RIPOR2: variants seen among roughly 807,000 people sequenced by gnomAD.
The protein encoded by RIPOR2 is rho family-interacting cell polarization regulator 2.
In RIPOR2, 39 loss-of-function variants were observed where a neutral mutation model predicts 114.5. That is an observed-to-expected ratio of 0.34 (90% CI 0.26 to 0.44). RIPOR2 has a LOEUF of 0.44. Ranked by LOEUF, RIPOR2 falls within the 20% of genes least tolerant of loss-of-function variation. RIPOR2 has a pLI of 1.00. For missense variants in RIPOR2, 1,007 were observed against 1,255.1 expected, an observed-to-expected ratio of 0.80 and a Z score of 2.99; for synonymous variants, 445 against 484.4, an observed-to-expected ratio of 0.92 and a Z score of 1.07.
chr6:24,822,148 AGAGAG>A (rs1266674851), intron 19 of RIPOR2, among the ~76,000 whole-genome samples: 1 of 152,220 alleles, frequency 6.6e-6, no homozygotes, highest in Non-Finnish European at 1.5e-5. Context: ...AGGGGAAAAT[AGAGAG>A]GAGTCTTGTG....
intron 1 of RIPOR2, among the ~76,000 whole-genome samples, chr6:24,892,269 T>C (rs1767439525): frequency 6.6e-6 from 1 of 152,118 alleles, no homozygotes; most frequent in African/African-American, 2.4e-5. Context: ...ACCCGATAGA[T>C]TTTTTTCTTT....
intron 19 of RIPOR2, among the ~76,000 whole-genome samples, chr6:24,824,156 G>A (rs561789932): frequency 9.2e-5 from 14 of 152,268 alleles, no homozygotes; most frequent in African/African-American, 3.1e-4. Flanking sequence ...ACTCAGATGC[G>A]TATATATCCT....
chr6:24,960,793 G>A (rs1207070187), intron 1 of RIPOR2, among the ~76,000 whole-genome samples: 1 of 152,116 alleles, frequency 6.6e-6, no homozygotes, highest in African/African-American at 2.4e-5. Flanking sequence ...GCCTCCCAAA[G>A]TGCTAGATTT....
chr6:24,986,357 A>T (rs1028717042), intron 1 of RIPOR2, among the ~76,000 whole-genome samples: 1 of 152,246 alleles, frequency 6.6e-6, no homozygotes, highest in Non-Finnish European at 1.5e-5. Context: ...TGGAGGACTC[A>T]TAAGTAAAGA....
At chr6:24,850,033 C>T (rs1387439815) in intron 10 of RIPOR2, 83 bp from the exon 11 acceptor site, 24 of 1,151,512 alleles carry the variant, frequency 2.1e-5, no homozygotes, top group Non-Finnish European at 2.7e-5. Flanking sequence ...TTTTACTGAG[C>T]TAGGTTGGTC....
At chr6:24,833,770 C>T (rs1760874303) in intron 15 of RIPOR2, among the ~76,000 whole-genome samples, 1 of 152,118 alleles carries the variant, frequency 6.6e-6, no homozygotes, top group Non-Finnish European at 1.5e-5. Flanking sequence ...GTATCCACCT[C>T]TTCTGTTTTT....
chr6:24,825,509 G>T, intron 18 of RIPOR2, 81 bp from the exon 19 acceptor site: 2 of 1,004,444 alleles, frequency 2.0e-6, no homozygotes, highest in South Asian at 1.4e-5. Context: ...TAGAACTCAA[G>T]TACATAAGAA....
intron 1 of RIPOR2, among the ~76,000 whole-genome samples, chr6:24,895,773 G>A (rs1200870735): frequency 6.6e-6 from 1 of 152,074 alleles, no homozygotes; most frequent in African/African-American, 2.4e-5. Context: ...GGTGGATCAC[G>A]AGGTCAGGAG....
intron 19 of RIPOR2, among the ~76,000 whole-genome samples, chr6:24,819,796 C>T (rs9366583): frequency 0.3 from 44,401 of 150,160 alleles, 7,712 homozygotes; most frequent in East Asian, 0.68. Flanking sequence ...CTACTGCACC[C>T]GGCCAATTGT....
Position 24,852,280 on chromosome 6 carries a change from G to A in RIPOR2, c.759+295C>T, listed in dbSNP as rs569553279. 7.3e-5 allele frequency among the ~76,000 whole-genome samples: 11 copies of A among 151,200 alleles called. No individual in the cohort carries two copies. The South Asian group carries it at 1.9e-3, about 26-fold the overall frequency. Reference sequence around the variant, plus strand: ...CCATCTCAAAATAAAAAATAAATAAGTAAGTAAATAAATAAATAAATAAAA... The same window carrying A: ...CCATCTCAAAATAAAAAATAAATAAATAAGTAAATAAATAAATAAATAAAA... On this transcript the variant is annotated intron_variant, in intron 9 of 21. Coordinates refer to ENST00000643898, the MANE Select transcript of RIPOR2 (RefSeq NM_001286445.3).
chr6:24,869,287 A>G, intron 5 of RIPOR2, 140 bp from the exon 6 acceptor site: 1 of 519,544 alleles, frequency 1.9e-6, no homozygotes, highest in Non-Finnish European at 3.5e-6. Flanking sequence ...CTTTGAAGCT[A>G]TTTTAGAGAT....
chr6:24,905,593 G>A (rs918304096), intron 1 of RIPOR2, among the ~76,000 whole-genome samples: 1 of 152,190 alleles, frequency 6.6e-6, no homozygotes, highest in Non-Finnish European at 1.5e-5. Context: ...TTAATTGGAA[G>A]GTAGACTGTC....
At chr6:24,912,668 C>T (rs771681900) in intron 1 of RIPOR2, among the ~76,000 whole-genome samples, 7 of 152,106 alleles carry the variant, frequency 4.6e-5, no homozygotes, top group Non-Finnish European at 1.0e-4. Context: ...CTGAGTAAAG[C>T]GCTACTACGG....
chr6:24,825,766 T>C (rs1017083385), intron 18 of RIPOR2, among the ~76,000 whole-genome samples: 1 of 152,092 alleles, frequency 6.6e-6, no homozygotes, highest in African/African-American at 2.4e-5. Context: ...CTTCCTAATA[T>C]ATGTATGGCA....
At chr6:24,844,473 CTT>C (rs1473218248) in intron 12 of RIPOR2, among the ~76,000 whole-genome samples, 23 of 143,346 alleles carry the variant, frequency 1.6e-4, no homozygotes, top group Admixed American at 2.8e-4. Context: ...GTTAATTTTT[CTT>C]TTTTTTTTTT....
At chr6:25,007,527 T>C (rs888527421) in intron 1 of RIPOR2, among the ~76,000 whole-genome samples, 5 of 152,232 alleles carry the variant, frequency 3.3e-5, no homozygotes, top group East Asian at 1.9e-4. Context: ...AAGCAAGATA[T>C]GATCAAATGA....
chr6:25,002,979 A>G (rs1775385981), intron 1 of RIPOR2, among the ~76,000 whole-genome samples: 2 of 152,258 alleles, frequency 1.3e-5, no homozygotes, highest in Admixed American at 1.3e-4. Context: ...TAAGGGTTGC[A>G]GCTCCTGCGA....
chr6:24,919,532 C>A (rs1770321974), intron 1 of RIPOR2, among the ~76,000 whole-genome samples: 1 of 152,170 alleles, frequency 6.6e-6, no homozygotes, highest in Admixed American at 6.5e-5. Flanking sequence ...TGTCTGCTGG[C>A]AGGAGTGAGA....
chr6:24,968,242 T>C (rs555719606), intron 1 of RIPOR2, among the ~76,000 whole-genome samples: 1 of 152,316 alleles, frequency 6.6e-6, no homozygotes, highest in Admixed American at 6.5e-5. Flanking sequence ...CTTTTATATG[T>C]TGCACTTTGA....
Sources: gnomAD v4.1 joint callset for allele counts (sites outside exome capture counted in the v4.1 genomes callset) on GRCh38, gnomAD v4.1.1 for gene constraint, MANE v1.5 for transcripts, NCBI Gene and HGNC (gene_info 2026-07-23, HGNC 2026-07-21) for gene names.